PRIM2: variants seen among roughly 807,000 people sequenced by gnomAD.
The protein encoded by PRIM2 is DNA primase subunit 2.
PRIM2 carries 39 observed loss-of-function variants against 67.3 expected under a neutral mutation model. The ratio of observed to expected loss-of-function variants is 0.58; its 90% CI spans 0.45 to 0.76. The LOEUF is 0.76. Ranked by LOEUF, PRIM2 falls within the 30% of genes least tolerant of loss-of-function variation. The pLI is 0.00. For missense variants in PRIM2, 398 were observed against 598.7 expected, an observed-to-expected ratio of 0.66 and a Z score of 3.50; for synonymous variants, 143 against 198.7, an observed-to-expected ratio of 0.72 and a Z score of 2.36.
At chr6:57,305,828 T>C in the PRIM2 span, among the ~76,000 whole-genome samples, 1 of 152,226 alleles carries the variant, frequency 6.6e-6, no homozygotes, top group Non-Finnish European at 1.5e-5. Context: ...GTTATGTTCT[T>C]ACTAAAAATA....
At position 57,538,097 on chromosome 6, in the gene PRIM2, C is replaced by T. The variant is rs1775037486; in HGVS notation, c.1020+472C>T. On this transcript the variant is annotated intron_variant, in intron 10 of 13. Transcript: ENST00000615550. Reference sequence around the variant, plus strand: ...ATGGTGCAATCATGGCTCACTGCAGCCTCGACCTTTGGGCTCAAGTGATCC... The same window carrying T: ...ATGGTGCAATCATGGCTCACTGCAGTCTCGACCTTTGGGCTCAAGTGATCC... Among the ~76,000 whole-genome samples, 5 of 152,010 alleles carry T rather than the reference C, an allele frequency of 3.3e-5. No individual in the cohort carries two copies. The South Asian group carries it at 8.3e-4, about 25-fold the overall frequency.
the PRIM2 span, among the ~76,000 whole-genome samples, chr6:57,306,444 G>A: frequency 6.6e-6 from 1 of 152,126 alleles, no homozygotes; most frequent in Non-Finnish European, 1.5e-5. Context: ...GTCAAGTTAT[G>A]GTAAGAACTT....
At chr6:57,388,423 G>A (rs1770221214) in intron 7 of PRIM2, among the ~76,000 whole-genome samples, 1 of 152,196 alleles carries the variant, frequency 6.6e-6, no homozygotes, top group African/African-American at 2.4e-5. Flanking sequence ...TGACATGGTG[G>A]ATTGGTTGTG....
intron 10 of PRIM2, among the ~76,000 whole-genome samples, chr6:57,547,242 T>A (rs1775307594): frequency 6.6e-6 from 1 of 152,194 alleles, no homozygotes. Flanking sequence ...TTTATTTATT[T>A]ATTTTTTATT....
intron 5 of PRIM2, among the ~76,000 whole-genome samples, chr6:57,378,609 A>G (rs1192812677): frequency 6.6e-6 from 1 of 152,176 alleles, no homozygotes; most frequent in Non-Finnish European, 1.5e-5. Flanking sequence ...AGGTTCCTCC[A>G]GAGAGGATTT....
intron 7 of PRIM2, among the ~76,000 whole-genome samples, chr6:57,492,998 T>A (rs1346130060): frequency 6.6e-6 from 1 of 152,176 alleles, no homozygotes; most frequent in African/African-American, 2.4e-5. Flanking sequence ...AGGATAGAAA[T>A]TATGTCAAAG....
chr6:57,593,523 G>A (rs1258784574), intron 10 of PRIM2, among the ~76,000 whole-genome samples: 65 of 152,206 alleles, frequency 4.3e-4, no homozygotes, highest in African/African-American at 1.5e-3. Context: ...GGCTGGTCTC[G>A]AACTCCTGAC....
At chr6:57,320,633 ATAT>A (rs2127269101) in intron 3 of PRIM2, 73 bp downstream of exon 3, 1 of 934,960 alleles carries the variant, frequency 1.1e-6, no homozygotes, top group Non-Finnish European at 1.6e-6. Context: ...TGTGGGAAAG[ATAT>A]TATATTAGGC....
At chr6:57,545,902 A>G (rs1775280683) in intron 10 of PRIM2, among the ~76,000 whole-genome samples, 1 of 152,234 alleles carries the variant, frequency 6.6e-6, no homozygotes, top group South Asian at 2.1e-4. Flanking sequence ...GAACTGTACC[A>G]GTGTAATTGT....
chr6:57,478,009 G>C (rs1773516065), intron 7 of PRIM2, among the ~76,000 whole-genome samples: 3 of 152,126 alleles, frequency 2.0e-5, no homozygotes, highest in African/African-American at 7.2e-5. Flanking sequence ...AATAGCTAAT[G>C]TTGATTGTTT....
intron 5 of PRIM2, among the ~76,000 whole-genome samples, chr6:57,354,510 C>T (rs9367729): frequency 9.3e-5 from 14 of 150,206 alleles, no homozygotes; most frequent in African/African-American, 3.0e-4. Flanking sequence ...ATAAACTCAC[C>T]GTTTCACCTT....
intron 7 of PRIM2, among the ~76,000 whole-genome samples, chr6:57,419,173 G>T (rs1377158381): frequency 6.6e-6 from 1 of 152,058 alleles, no homozygotes; most frequent in Non-Finnish European, 1.5e-5. Flanking sequence ...GACTGGAATG[G>T]TGACAGTGAG....
intron 7 of PRIM2, among the ~76,000 whole-genome samples, chr6:57,477,411 G>T (rs1188530117): frequency 1.3e-5 from 2 of 152,006 alleles, no homozygotes; most frequent in African/African-American, 4.8e-5. Context: ...GTAGTATAAA[G>T]GTATTTTTAG....
chr6:57,325,700 A>G (rs1205466112), intron 4 of PRIM2, among the ~76,000 whole-genome samples: 1 of 152,152 alleles, frequency 6.6e-6, no homozygotes, highest in Non-Finnish European at 1.5e-5. Flanking sequence ...CTTGTATTTA[A>G]TCTTTTTAAT....
intron 10 of PRIM2, among the ~76,000 whole-genome samples, chr6:57,570,930 TC>T (rs1352013016): frequency 6.6e-6 from 1 of 152,112 alleles, no homozygotes; most frequent in African/African-American, 2.4e-5. Flanking sequence ...GAAATTGGTG[TC>T]ATCCCTATAA....
At chr6:57,485,858 T>C (rs1385030339) in intron 7 of PRIM2, among the ~76,000 whole-genome samples, 4 of 152,208 alleles carry the variant, frequency 2.6e-5, no homozygotes, top group African/African-American at 9.7e-5. Flanking sequence ...AAGCCCTGGC[T>C]TCCCCCTTAA....
At chr6:57,576,958 G>A (rs1775974134) in intron 10 of PRIM2, among the ~76,000 whole-genome samples, 1 of 151,490 alleles carries the variant, frequency 6.6e-6, no homozygotes, top group Non-Finnish European at 1.5e-5. Flanking sequence ...ATTGTAATTT[G>A]TATAGTTTTA....
At chr6:57,457,408 G>C (rs532433785) in intron 7 of PRIM2, among the ~76,000 whole-genome samples, 1 of 152,204 alleles carries the variant, frequency 6.6e-6, no homozygotes, top group Non-Finnish European at 1.5e-5. Flanking sequence ...GAGGCAGGCA[G>C]GCCTCCTTGA....
At chr6:57,518,162 T>A (rs1774525004) in intron 8 of PRIM2, among the ~76,000 whole-genome samples, 2 of 152,178 alleles carry the variant, frequency 1.3e-5, no homozygotes, top group South Asian at 4.1e-4. Flanking sequence ...CAAGATGAAT[T>A]TTAAATGCCC....
Sources: gnomAD v4.1 joint callset for allele counts (sites outside exome capture counted in the v4.1 genomes callset) on GRCh38, gnomAD v4.1.1 for gene constraint, MANE v1.5 for transcripts, NCBI Gene and HGNC (gene_info 2026-07-23, HGNC 2026-07-21) for gene names.